The following MTNR1B variants were observed in gnomAD, a reference collection of about 807,000 sequenced individuals.
The protein encoded by MTNR1B is melatonin receptor 1B.
MTNR1B carries 7 observed loss-of-function variants against 7.0 expected under a neutral mutation model. The ratio of observed to expected loss-of-function variants is 1.00; its 90% CI spans 0.57 to 1.88. The LOEUF (loss-of-function observed/expected upper bound fraction) is 1.88, where lower values mean the gene tolerates loss of function less well. MTNR1B is among the 40% of genes most tolerant of loss of function. The probability of loss-of-function intolerance (pLI) is 0.00; values close to 1 mark genes in which losing one functional copy is unlikely to be tolerated. For synonymous variants in MTNR1B, 226 were observed against 208.2 expected (o/e 1.09, Z -0.74); for missense variants, 478 against 486.5 (o/e 0.98, Z 0.16).
chr11:92,978,379 A>C (rs1448179803), intron 1 of MTNR1B, among the ~76,000 whole-genome samples: 1 of 152,168 alleles, frequency 6.6e-6, no homozygotes, highest in Non-Finnish European at 1.5e-5. Flanking sequence ...ATGTTAGTAA[A>C]CAAAGCCCTC....
At chr11:92,983,267 G>T (rs1053310912), downstream of MTNR1B, among the ~76,000 whole-genome samples, 1 of 152,088 alleles carries the variant, frequency 6.6e-6, no homozygotes, top group African/African-American at 2.4e-5. Flanking sequence ...GAAAGGAAGG[G>T]CTATCACCGG....
chr11:92,978,466 A>G (rs1565179963), intron 1 of MTNR1B, among the ~76,000 whole-genome samples: 1 of 152,194 alleles, frequency 6.6e-6, no homozygotes, highest in Non-Finnish European at 1.5e-5. Flanking sequence ...GACCCATGAC[A>G]TAAATATTCA....
chr11:92,978,693 A>T (rs1187918388), intron 1 of MTNR1B, among the ~76,000 whole-genome samples: 1 of 152,232 alleles, frequency 6.6e-6, no homozygotes, highest in African/African-American at 2.4e-5. Context: ...ATGAATCTAT[A>T]GCAGGAAGTG....
intron 1 of MTNR1B, among the ~76,000 whole-genome samples, chr11:92,975,054 C>T (rs1857991912): frequency 6.6e-6 from 1 of 152,182 alleles, no homozygotes; most frequent in Admixed American, 6.5e-5. Context: ...ATGTCTTTAT[C>T]AGCAGCGTGA....
rs923026322 is a variant in MTNR1B, at chr11:92,981,937, C to A, written c.714C>A (p.Ser238Arg). 1.2e-6 allele frequency: 2 copies of A among 1,614,238 alleles called. No individual in the cohort carries two copies. The highest frequency in any genetic ancestry group is 1.7e-6 in the Non-Finnish European group (2 of 1,180,048). ...LQARRKAKPE[S>R]RLCLKPSDLR... ...CCCGCAGGAAAGCCAAGCCAGAGAG[C>A]AGGCTGTGCCTGAAGCCCAGCGACT... Residue 238 changes from serine to arginine, a missense_variant, in exon 2 of 2, where the codon AGC becomes AGA. Ser to Arg is a moderately radical substitution (Grantham distance 110). Transcript: ENST00000257068.
At chr11:92,983,583 G>A (rs1203063466), downstream of MTNR1B, among the ~76,000 whole-genome samples, 2 of 152,048 alleles carry the variant, frequency 1.3e-5, no homozygotes, top group South Asian at 2.1e-4. Flanking sequence ...AATGGGGTAG[G>A]GGACATGGAA....
At chr11:92,978,345 C>T (rs548512484) in intron 1 of MTNR1B, among the ~76,000 whole-genome samples, 67 of 152,326 alleles carry the variant, frequency 4.4e-4, no homozygotes, top group Admixed American at 8.5e-4. Context: ...ATGCGCTCTG[C>T]GTATGAATCC....
intron 1 of MTNR1B, among the ~76,000 whole-genome samples, chr11:92,973,598 A>G (rs183506675): frequency 1.2e-4 from 18 of 151,428 alleles, no homozygotes; most frequent in African/African-American, 3.9e-4. Context: ...TCCTCCTTCA[A>G]CTCCTTCCCC....
In MTNR1B at chr11:92,982,281, T is replaced by C. The variant is rs146811884; in HGVS notation, c.1058T>C (p.Ile353Thr). 5.4e-4 allele frequency: 865 copies of C among 1,613,808 alleles called. 1 individual carries two copies. Among genetic ancestry groups the C allele is most frequent in the Non-Finnish European group, 6.9e-4 (816 of 1,179,966 alleles). The change falls in exon 2 of 2, where the codon ATT (isoleucine) becomes ACT (threonine). Residue 353 changes from isoleucine to threonine, a missense_variant. Physicochemically the swap from Ile to Thr is moderately conservative, Grantham distance 89. Transcript: ENST00000257068. Reference protein sequence around the residue: ...EGLQSPAPPIIGVQHQADAL With the variant: ...EGLQSPAPPITGVQHQADAL ...CTGCAGAGCCCAGCTCCACCCATCATTGGTGTGCAGCACCAGGCAGATGCT... is the reference window on the plus strand; with the variant it reads ...CTGCAGAGCCCAGCTCCACCCATCACTGGTGTGCAGCACCAGGCAGATGCT...
At chr11:92,983,970 G>A (rs1195862121), downstream of MTNR1B, among the ~76,000 whole-genome samples, 1 of 152,184 alleles carries the variant, frequency 6.6e-6, no homozygotes, top group Non-Finnish European at 1.5e-5. Flanking sequence ...AGATAGCTAT[G>A]TTCAGAGCTA....
In MTNR1B at chr11:92,982,464, G is replaced by A; in HGVS notation, c.*152G>A. 1.1e-6 allele frequency: 1 copy of A among 892,908 alleles called. No homozygotes were observed. The highest frequency in any genetic ancestry group is 1.7e-5 in the African/African-American group (1 of 59,172). 55.3% of individuals were successfully genotyped at this position (892,908 alleles called of 1,614,324 possible). On this transcript the variant is annotated 3_prime_UTR_variant, in exon 2 of 2. Transcript: ENST00000257068. Reference sequence around the variant, plus strand: ...GGGGAACTTCATGCTGGGACAAGCAGCCCATCAACGCCATGGGTTCAGGCT... The same window carrying A: ...GGGGAACTTCATGCTGGGACAAGCAACCCATCAACGCCATGGGTTCAGGCT...
At chr11:92,970,370 C>T (rs1857905740) in intron 1 of MTNR1B, among the ~76,000 whole-genome samples, 1 of 152,142 alleles carries the variant, frequency 6.6e-6, no homozygotes, top group African/African-American at 2.4e-5. Context: ...ATGTAGTAGT[C>T]GCTTAGAAAA....
intron 1 of MTNR1B, among the ~76,000 whole-genome samples, chr11:92,978,094 A>T (rs1565179864): frequency 1.3e-5 from 2 of 152,206 alleles, no homozygotes; most frequent in African/African-American, 2.4e-5. Context: ...TCAATGACCA[A>T]GGAGAATTTA....
chr11:92,969,931 G>A lies in MTNR1B; in HGVS notation c.206G>A (p.Arg69His), dbSNP rs1591900923. Reference protein sequence around the residue: ...LLVILSVLRNRKLRNAGNLFL... With the variant: ...LLVILSVLRNHKLRNAGNLFL... ...GTGATCCTCTCCGTGCTCAGGAACC[G>A]CAAGCTCCGGAACGCAGGTGAGCAC... The change falls in exon 1 of 2, where the codon CGC (arginine) becomes CAC (histidine). Residue 69 changes from arginine (R) to histidine (H), a missense_variant. Physicochemically the swap from Arg to His is conservative, Grantham distance 29. Transcript: ENST00000257068. 1.2e-6 allele frequency: 2 copies of A among 1,610,430 alleles called. No individual in the cohort carries two copies. Among genetic ancestry groups the A allele is most frequent in the South Asian group, 1.1e-5 (1 of 90,144 alleles).
At chr11:92,980,151 G>C (rs749104100) in intron 1 of MTNR1B, among the ~76,000 whole-genome samples, 1 of 152,164 alleles carries the variant, frequency 6.6e-6, no homozygotes, top group Non-Finnish European at 1.5e-5. Flanking sequence ...TTCCATGTCT[G>C]TGTCTTTGCT....
chr11:92,974,758 T>A (rs1484419462), intron 1 of MTNR1B, among the ~76,000 whole-genome samples: 2 of 151,986 alleles, frequency 1.3e-5, no homozygotes, highest in Non-Finnish European at 2.9e-5. Flanking sequence ...GACCGCCACC[T>A]CGCCCGGCTA....
At position 92,969,908 on chromosome 11, in the gene MTNR1B, G is replaced by T; in HGVS notation, c.183G>T (p.Val61=). ...TAVDVVGNLL[V]ILSVLRNRKL... ...TGGACGTCGTGGGCAACCTCCTGGT[G>T]ATCCTCTCCGTGCTCAGGAACCGCA... Residue 61 remains valine, a synonymous_variant, in exon 1 of 2, where the codon GTG becomes GTT. Transcript: ENST00000257068. 6.2e-7 allele frequency: 1 copy of T among 1,612,254 alleles called. No homozygotes were observed.
intron 1 of MTNR1B, among the ~76,000 whole-genome samples, chr11:92,976,036 A>G (rs1056815413): frequency 5.9e-5 from 9 of 152,244 alleles, no homozygotes; most frequent in African/African-American, 1.2e-4. Context: ...CAGTTTTTAA[A>G]TCCCATAATT....
At chr11:92,983,187 G>C (rs1037017620), downstream of MTNR1B, among the ~76,000 whole-genome samples, 1 of 152,106 alleles carries the variant, frequency 6.6e-6, no homozygotes, top group Non-Finnish European at 1.5e-5. Flanking sequence ...CATGTGGCTA[G>C]CAGGCAGTAA....
Sources: gnomAD v4.1 joint callset for allele counts (sites outside exome capture counted in the v4.1 genomes callset) on GRCh38, gnomAD v4.1.1 for gene constraint, MANE v1.5 for transcripts, NCBI Gene and HGNC (gene_info 2026-07-23, HGNC 2026-07-21) for gene names.